Variants in MUC4 observed in about 807,000 individuals in gnomAD.
MUC4 encodes the protein mucin-4.
In MUC4, 202 loss-of-function variants were observed where a neutral mutation model predicts 257.9. The observed-to-expected ratio is 0.78, with a 90% confidence interval of 0.70 to 0.88. The LOEUF (loss-of-function observed/expected upper bound fraction) is 0.88, where lower values mean the gene tolerates loss of function less well. Among genes scored for constraint, MUC4 ranks in the 40% least tolerant of loss-of-function variants. The pLI is 0.00. For synonymous variants in MUC4, 2,351 were observed against 2,757.1 expected (o/e 0.85, Z 4.62); for missense variants, 5,976 against 6,513.7 (o/e 0.92, Z 2.84).
At position 195,762,167 on chromosome 3, in the gene MUC4, G is replaced by C. The variant is rs369595798; in HGVS notation, c.14432C>G (p.Ser4811Trp). 2 of 1,607,502 alleles carry C rather than the reference G, an allele frequency of 1.2e-6. No individual in the cohort carries two copies. Among genetic ancestry groups the C allele is most frequent in the East Asian group, 2.2e-5 (1 of 44,648 alleles). The change falls in exon 14 of 25, where the codon TCG becomes TGG. Residue 4811 changes from serine (S) to tryptophan (W), a missense_variant. Physicochemically the swap from Ser to Trp is radical, Grantham distance 177. Around this residue, in one of 44 missense-constraint regions of MUC4, gnomAD observed 996 missense variants for 1,137.3 expected, o/e 0.88. Transcript: ENST00000463781. Reference sequence around the variant, plus strand: ...GAGGATGTTGGAGAGCGCGATCACCGAGACGGTGGCCCAGCCGTCGAAGCT... The same window carrying C: ...GAGGATGTTGGAGAGCGCGATCACCCAGACGGTGGCCCAGCCGTCGAAGCT... ...SASFDGWATV[S>W]VIALSNILHA...
At chr3:195,768,867 G>A (rs1052521601) in intron 7 of MUC4, among the ~76,000 whole-genome samples, 155 bp downstream of exon 7, 1 of 152,228 alleles carries the variant, frequency 6.6e-6, no homozygotes, top group Admixed American at 6.5e-5. Context: ...GCAGCCAGAT[G>A]CCTGGCCCCA....
Position 195,786,957 on chromosome 3 carries a change from G to A in MUC4, c.4623C>T (p.Ser1541=), listed in dbSNP as rs778722332. 4 of 940,962 alleles carry A rather than the reference G, an allele frequency of 4.3e-6. No individual in the cohort carries two copies. The South Asian group carries it at 7.8e-5, about 18-fold the overall frequency. 58.3% of individuals were successfully genotyped at this position (940,962 alleles called of 1,614,324 possible). Residue 1541 remains serine, a synonymous_variant, in exon 2 of 25, where the codon AGC becomes AGT. Coordinates refer to ENST00000463781, the MANE Select transcript of MUC4 (RefSeq NM_018406.7). The part of the protein sequence containing the change: ...TGDTMPLPVT[S]PSSASTGDTT... Reference sequence around the variant, plus strand: ...TGTCACCTGTGGATGCTGAGGAAGGGCTAGTGACAGGAAGAGGCATGGTGT... The same window carrying A: ...TGTCACCTGTGGATGCTGAGGAAGGACTAGTGACAGGAAGAGGCATGGTGT...
At chr3:195,767,832 T>TCACCACCACCATCAC (rs1176360495) in intron 7 of MUC4, among the ~76,000 whole-genome samples, 27 of 49,288 alleles carry the variant, frequency 5.5e-4, no homozygotes, top group African/African-American at 2.1e-3. Flanking sequence ...ACCACCACCA[T>TCACCACCACCATCAC]CACCACCACC....
chr3:195,767,924 A>ACCC (rs1721913809), intron 7 of MUC4, among the ~76,000 whole-genome samples: 1 of 144,988 alleles, frequency 6.9e-6, no homozygotes, highest in African/African-American at 2.7e-5. Flanking sequence ...CGCCACTGCC[A>ACCC]CCTCCACCGC....
Position 195,782,946 on chromosome 3 carries a change from G to T in MUC4, c.8634C>A (p.Ala2878=), listed in dbSNP as rs747541203. 1 of 1,055,400 alleles carries T rather than the reference G, an allele frequency of 9.5e-7. No individual in the cohort carries two copies. The allele number at this position is 1,055,400 out of a possible 1,614,324, so 65.4% of individuals were successfully genotyped here. A position where few individuals can be genotyped will look rare whatever the true frequency, so the allele number is the denominator to read the frequency against. The stretch of plus-strand genomic sequence containing the variant: ...AAGCGTCGGTGACAGGAAGAGGGGT[G>T]GCATGACCTGTGGACACTGAGGAAG... ...TDASSVSTGH[A]TPLPVTDASS... Residue 2878 remains alanine, a synonymous_variant, in exon 2 of 25, where the codon GCC becomes GCA. Transcript: ENST00000463781.
rs1478041902 is a variant in MUC4 at position 195,788,829 on chromosome 3, T to A, written c.2751A>T (p.Arg917Ser). The change falls in exon 2 of 25, where the codon AGA becomes AGT. Residue 917 changes from arginine to serine, a missense_variant. Around this residue, in one of 44 missense-constraint regions of MUC4, gnomAD observed 1,583 missense variants for 1,257.4 expected, o/e 1.26. Transcript: ENST00000463781. ...MAQTQRTRTSRGSDTISLASQ... is the reference protein window; with the variant it reads ...MAQTQRTRTSSGSDTISLASQ... ...ACGCCAGGCTGATAGTGTCAGACCC[T>A]CTGCTGGTTCTTGTCCTCTGAGTCT... 2 of 1,613,758 alleles carry A rather than the reference T, an allele frequency of 1.2e-6. No homozygotes were observed. Among genetic ancestry groups the A allele is most frequent in the Non-Finnish European group, 1.7e-6 (2 of 1,179,844 alleles).
In MUC4 at chr3:195,757,739, T is replaced by A. The variant is rs1472630742; in HGVS notation, c.14987-411A>T. Among the ~76,000 whole-genome samples, 1 of 152,002 alleles carries A rather than the reference T, an allele frequency of 6.6e-6. No individual in the cohort carries two copies. The highest frequency in any genetic ancestry group is 1.5e-5 in the Non-Finnish European group (1 of 67,994). On this transcript the variant is annotated intron_variant, in intron 17 of 24. Coordinates refer to ENST00000463781, the MANE Select transcript of MUC4 (RefSeq NM_018406.7). The surrounding 1 kb of genome is among the most constrained non-coding windows in gnomAD (Gnocchi z 4.8). ...ACGGCAGCCCCATCCTTTGCCCTGA[T>A]TTCTCACCCACCCCCCACTTCCTGG...
At position 195,754,346 on chromosome 3, in the gene MUC4, G is replaced by A. The variant is rs200743041; in HGVS notation, c.15195C>T (p.Gly5065=). ...LEVAGCKCDG[G]TFGRYCEGSE... ...AGCCCTCGCAGTAGCGGCCGAAGGT[G>A]CCCCCGTCACACTTGCAGCCAGCCA... The change falls in exon 19 of 25, where the codon GGC becomes GGT. Residue 5065 remains glycine (G), a synonymous_variant. Transcript: ENST00000463781. 7 of 1,610,770 alleles carry A rather than the reference G, an allele frequency of 4.3e-6. No homozygotes were observed. In the South Asian group the frequency reaches 6.6e-5, roughly 15 times the overall value.
At chr3:195,758,722 C>G (rs1281535946) in intron 17 of MUC4, among the ~76,000 whole-genome samples, 1 of 115,178 alleles carries the variant, frequency 8.7e-6, no homozygotes, top group Non-Finnish European at 1.9e-5. Flanking sequence ...ACCACCATGC[C>G]TGGCTTTTTT....
chr3:195,776,817 C>T (rs1724905516), intron 3 of MUC4, among the ~76,000 whole-genome samples: 1 of 123,230 alleles, frequency 8.1e-6, no homozygotes, highest in Non-Finnish European at 1.7e-5. Context: ...ATACCTTCCA[C>T]GGCCATACCT....
chr3:195,784,700 G>T lies in MUC4; in HGVS notation c.6880C>A (p.Pro2294Thr), dbSNP rs1327906618. The change falls in exon 2 of 25, where the codon CCT becomes ACT. Residue 2294 changes from proline to threonine, a missense_variant. Pro to Thr is a conservative substitution (Grantham distance 38). Around this residue, in one of 44 missense-constraint regions of MUC4, gnomAD observed 62 missense variants for 74.0 expected, o/e 0.84. Transcript: ENST00000463781. Reference protein sequence around the residue: ...GDTTPLPVTSPSSASTGHATP... With the variant: ...GDTTPLPVTSTSSASTGHATP... ...GCGTGACCTGTGGATGCTGAGGAAG[G>T]GCTAGTGACAGGAAGAGGAGTGGTG... 1.4e-5 allele frequency: 20 copies of T among 1,422,484 alleles called. 2 individuals are homozygous for T. Among genetic ancestry groups the T allele is most frequent in the Middle Eastern group, 4.6e-4 (2 of 4,358 alleles). The allele number at this position is 1,422,484 out of a possible 1,614,324, so 88.1% of individuals were successfully genotyped here.
chr3:195,761,671 G>A (rs1560242614), intron 14 of MUC4, 86 bp from the exon 15 acceptor site: 1 of 1,063,128 alleles, frequency 9.4e-7, no homozygotes, highest in Non-Finnish European at 1.4e-6. Context: ...GTGGGGAGAG[G>A]CCAGGGCCTG....
In MUC4 at chr3:195,765,033, G is replaced by A. The variant is rs750211557; in HGVS notation, c.13888C>T (p.Arg4630Cys). The change falls in exon 10 of 25, where the codon CGT (arginine) becomes TGT (cysteine). Residue 4630 changes from arginine (R) to cysteine (C), a missense_variant. Physicochemically the swap from Arg to Cys is radical, Grantham distance 180. This residue lies in a region of MUC4 where 996 missense variants were observed against 1,137.3 expected (regional missense o/e 0.88). Coordinates refer to ENST00000463781, the MANE Select transcript of MUC4 (RefSeq NM_018406.7). ...GGACGCTGCACGTGCCAGCCTTCAC[G>A]AAACTCTCCCCAGGGCCCGTAGCTG... ...CCSYGPWGEFREGWHVQRPWQ... is the reference protein window; with the variant it reads ...CCSYGPWGEFCEGWHVQRPWQ... 7 of 1,613,976 alleles carry A rather than the reference G, an allele frequency of 4.3e-6. No individual in the cohort carries two copies. The highest frequency in any genetic ancestry group is 4.5e-5 in the East Asian group (2 of 44,882).
intron 5 of MUC4, chr3:195,770,621 T>G: frequency 1.8e-6 from 1 of 562,734 alleles, no homozygotes; most frequent in Non-Finnish European, 3.2e-6. Context: ...GGACTTGAAC[T>G]CAAGCATCTT....
In MUC4 at chr3:195,781,213, G is replaced by A. The variant is rs759923335; in HGVS notation, c.10367C>T (p.Pro3456Leu). The change falls in exon 2 of 25, where the codon CCT becomes CTT. Residue 3456 changes from proline to leucine, a missense_variant. Physicochemically the swap from Pro to Leu is moderately conservative, Grantham distance 98 (BLOSUM62 -3). This residue lies in a region of MUC4 where 297 missense variants were observed against 240.9 expected (regional missense o/e 1.23). Coordinates refer to ENST00000463781, the MANE Select transcript of MUC4 (RefSeq NM_018406.7). ...TGAGGAAGTGTCGGTGACAGGAAGA[G>A]GGGTGGTGTGACCTGTAGATGCTGA... Reference protein sequence around the residue: ...TSSASTGHTTPLPVTDTSSAS... With the variant: ...TSSASTGHTTLLPVTDTSSAS... 6.4e-6 allele frequency: 9 copies of A among 1,413,636 alleles called. No homozygotes were observed. The highest frequency in any genetic ancestry group is 2.9e-5 in the South Asian group (2 of 69,106). The allele number at this position is 1,413,636 out of a possible 1,614,324, so 87.6% of individuals were successfully genotyped here.
chr3:195,753,029 A>AAGGTG, intron 20 of MUC4, 22 bp downstream of exon 20: 1 of 1,601,290 alleles, frequency 6.2e-7, no homozygotes, highest in African/African-American at 1.3e-5. Context: ...CGGGGGTGAG[A>AAGGTG]GGGCGGGGTC....
In MUC4 at chr3:195,784,293, G is replaced by C. The variant is rs1730122849; in HGVS notation, c.7287C>G (p.Asp2429Glu). 7 of 1,421,742 alleles carry C rather than the reference G, an allele frequency of 4.9e-6. No homozygotes were observed. The highest frequency in any genetic ancestry group is 2.5e-5 in the South Asian group (2 of 78,770). 88.1% of individuals were successfully genotyped at this position (1,421,742 alleles called of 1,614,324 possible). The stretch of plus-strand genomic sequence containing the variant: ...CGTTGGTGACAGGAAGACGGGTGGT[G>C]TCACCTGTGGAAGCTGAGGAAAGGC... The part of the protein sequence containing the change: ...VTGLSSASTG[D>E]TTRLPVTNVS... Residue 2429 changes from aspartate to glutamate, a missense_variant, in exon 2 of 25, where the codon GAC becomes GAG. Physicochemically the swap from Asp to Glu is conservative, Grantham distance 45. Coordinates refer to ENST00000463781, the MANE Select transcript of MUC4 (RefSeq NM_018406.7).
intron 4 of MUC4, among the ~76,000 whole-genome samples, chr3:195,773,164 C>T (rs1426713374): frequency 6.7e-6 from 1 of 149,072 alleles, no homozygotes; most frequent in African/African-American, 2.5e-5. Flanking sequence ...GACACCCTCT[C>T]TCCATCGCTC....
intron 19 of MUC4, 28 bp downstream of exon 19, chr3:195,754,185 C>T (rs377416521): frequency 9.3e-5 from 148 of 1,592,646 alleles, no homozygotes; most frequent in Admixed American, 3.3e-4. Context: ...CCCAGAAGCG[C>T]CTGCTCCAGG....
Sources: allele counts gnomAD v4.1 joint callset (sites outside exome capture counted in the v4.1 genomes callset), GRCh38; gene constraint gnomAD v4.1.1; regional missense constraint gnomAD v4.1.1; non-coding constraint Gnocchi (gnomAD v3.1); transcripts MANE v1.5; gene names NCBI Gene and HGNC (gene_info 2026-07-23, HGNC 2026-07-21).